Variants in DIS3 observed in about 807,000 individuals in gnomAD.
DIS3 encodes the protein DIS3 exosome endoribonuclease and 3'-5' exoribonuclease, also known as exosome complex exonuclease RRP44.
DIS3 carries 103 observed loss-of-function variants against 113.0 expected under a neutral mutation model. That is an observed-to-expected ratio of 0.91 (90% CI 0.78 to 1.07). The LOEUF is 1.07. Among genes scored for constraint, DIS3 ranks in the 50% least tolerant of loss-of-function variants. The probability of loss-of-function intolerance (pLI) is 0.00; values close to 1 mark genes in which losing one functional copy is unlikely to be tolerated. For missense variants in DIS3, 1,121 were observed against 1,167.1 expected, an observed-to-expected ratio of 0.96 and a Z score of 0.58; for synonymous variants, 402 against 394.3, an observed-to-expected ratio of 1.02 and a Z score of -0.23.
chr13:72,763,713 T>C, intron 15 of DIS3, 106 bp from the exon 16 acceptor site: 1 of 1,130,930 alleles, frequency 8.8e-7, no homozygotes, highest in Non-Finnish European at 1.2e-6. Flanking sequence ...AATAAGAGCA[T>C]TTCCTATGTA....
intron 4 of DIS3, among the ~76,000 whole-genome samples, chr13:72,777,161 A>AT (rs1433773933): frequency 6.6e-6 from 1 of 152,132 alleles, no homozygotes; most frequent in African/African-American, 2.4e-5. Flanking sequence ...GACTCCGTTC[A>AT]TTTTTTCCTC....
Position 72,755,764 on chromosome 13 carries a change from A to G in DIS3, c.*4031T>C, listed in dbSNP as rs571050827. The stretch of plus-strand genomic sequence containing the variant: ...GTGGGGAAAATTCTTAGTTCCAGTG[A>G]TAACTGTTCTAGTTACTACTTTTAA... On this transcript the variant is annotated 3_prime_UTR_variant, in exon 21 of 21. Transcript: ENST00000377767. 246 of 397,780 alleles carry G rather than the reference A, an allele frequency of 6.2e-4. 1 individual carries two copies. The highest frequency in any genetic ancestry group is 4.7e-3 in the African/African-American group (230 of 48,748). 24.6% of individuals were successfully genotyped at this position (397,780 alleles called of 1,614,324 possible). A position where few individuals can be genotyped will look rare whatever the true frequency, so the allele number is the denominator to read the frequency against.
Position 72,755,914 on chromosome 13 carries a change from C to G in DIS3, c.*3881G>C, listed in dbSNP as rs553114874. On this transcript the variant is annotated 3_prime_UTR_variant, in exon 21 of 21. Coordinates refer to ENST00000377767, the MANE Select transcript of DIS3 (RefSeq NM_014953.5). ...TAGGGTAGGGACATCCTTTCCAGCTCAAACGTGGGTAGGGATGTGGGAGAA... is the reference window on the plus strand; with the variant it reads ...TAGGGTAGGGACATCCTTTCCAGCTGAAACGTGGGTAGGGATGTGGGAGAA... 8.5e-5 allele frequency: 34 copies of G among 398,512 alleles called. No homozygotes were observed. Among genetic ancestry groups the G allele is most frequent in the Admixed American group, 2.2e-4 (5 of 22,724 alleles). 24.7% of individuals were successfully genotyped at this position (398,512 alleles called of 1,614,324 possible). A position where few individuals can be genotyped will look rare whatever the true frequency, so the allele number is the denominator to read the frequency against.
chr13:72,760,871 G>A (rs1358540011), intron 19 of DIS3, among the ~76,000 whole-genome samples: 1 of 151,838 alleles, frequency 6.6e-6, no homozygotes, highest in Non-Finnish European at 1.5e-5. Flanking sequence ...TAATATATAT[G>A]TTCATTAAAT....
Position 72,781,856 on chromosome 13 carries a change from A to C in DIS3, c.-24T>G. The C allele has an allele frequency of 6.5e-7, 1 of 1,542,070 alleles. No individual in the cohort carries two copies. Among genetic ancestry groups the C allele is most frequent in the South Asian group, 1.2e-5 (1 of 83,488 alleles). Reference sequence around the variant, plus strand: ...ATCTTGCCTCGCCGCGCAGAATCCTAACCCCAGCAGCGCTCTTCCAGCAAA... The same window carrying C: ...ATCTTGCCTCGCCGCGCAGAATCCTCACCCCAGCAGCGCTCTTCCAGCAAA... On this transcript the variant is annotated 5_prime_UTR_variant, in exon 1 of 21. Transcript: ENST00000377767.
rs1359852954 is a variant in DIS3, at chr13:72,772,253, A to T, written c.1409T>A (p.Leu470Gln). 6.2e-7 allele frequency: 1 copy of T among 1,612,596 alleles called. No homozygotes were observed. Among genetic ancestry groups the T allele is most frequent in the Non-Finnish European group, 8.5e-7 (1 of 1,179,770 alleles). The change falls in exon 10 of 21, where the codon CTG becomes CAG. Residue 470 changes from leucine to glutamine, a missense_variant. This residue lies in a region of DIS3 where 861 missense variants were observed against 915.5 expected (regional missense o/e 0.94). Transcript: ENST00000377767. ...TEKDMKNRED[L>Q]RHLCICSVDP... is the part of the protein sequence containing the mutation. ...TACACTACAAATACACAGATGCCTC[A>T]GGTCTTCTCGGTTTTTCATGTCCTA...
chr13:72,761,818 G>C lies in DIS3; in HGVS notation c.2343-4C>G. On this transcript the variant is annotated splice_polypyrimidine_tract_variant and splice_region_variant and intron_variant, in intron 17 of 20. Coordinates refer to ENST00000377767, the MANE Select transcript of DIS3 (RefSeq NM_014953.5). ...ATGAACAATGACATCTGCGTATCTA[G>C]ATAGATGGAAAAATAAGAACCATGG... The C allele has an allele frequency of 1.9e-6, 3 of 1,610,172 alleles. No homozygotes were observed. The highest frequency in any genetic ancestry group is 1.7e-6 in the Non-Finnish European group (2 of 1,178,986).
Position 72,761,421 on chromosome 13 carries a change from C to T in DIS3, c.2612G>A (p.Gly871Glu), listed in dbSNP as rs777105773. 159 of 1,610,966 alleles carry T rather than the reference C, an allele frequency of 9.9e-5. No homozygotes were observed. The highest frequency in any genetic ancestry group is 1.3e-4 in the Non-Finnish European group (151 of 1,179,332). The change falls in exon 19 of 21, where the codon GGG becomes GAG. Residue 871 changes from glycine (G) to glutamate (E), a missense_variant. By Grantham distance (98) the Gly-to-Glu change is moderately conservative (BLOSUM62 -2). This residue lies in a region of DIS3 where 861 missense variants were observed against 915.5 expected (regional missense o/e 0.94). Transcript: ENST00000377767. ...GTCCTTTTCTTCAAAAAAGACTGTC[C>T]CTTCTAAACCATACTTTGGAATTAA... The part of the protein sequence containing the change: ...VVLIPKYGLE[G>E]TVFFEEKDKP...
At chr13:72,762,303 C>G (rs1332783854) in intron 16 of DIS3, among the ~76,000 whole-genome samples, 166 bp from the exon 17 acceptor site, 1 of 152,210 alleles carries the variant, frequency 6.6e-6, no homozygotes, top group Non-Finnish European at 1.5e-5. Context: ...CTGGTCACTA[C>G]AGTTCTGTCA....
Position 72,778,361 on chromosome 13 carries a change from C to G in DIS3, c.406G>C (p.Glu136Gln). 1.3e-6 allele frequency: 2 copies of G among 1,572,846 alleles called. No individual in the cohort carries two copies. The highest frequency in any genetic ancestry group is 1.7e-6 in the Non-Finnish European group (2 of 1,149,240). ...EHHRETYVEQ[E>Q]QGENANDRND... is the part of the protein sequence containing the mutation. ...CTGTCATTAGCATTTTCTCCCTGTT[C>G]TTGTTCTACATAGGTTTCTCTAAAT... The change falls in exon 3 of 21, where the codon GAA (glutamate) becomes CAA (glutamine). Residue 136 changes from glutamate (E) to glutamine (Q), a missense_variant. Coordinates refer to ENST00000377767, the MANE Select transcript of DIS3 (RefSeq NM_014953.5).
chr13:72,774,005 T>C lies in DIS3; in HGVS notation c.1042A>G (p.Ile348Val), dbSNP rs1360958163. Residue 348 changes from isoleucine to valine, a missense_variant, in exon 7 of 21, where the codon ATA becomes GTA. By Grantham distance (29) the Ile-to-Val change is conservative (BLOSUM62 3). Coordinates refer to ENST00000377767, the MANE Select transcript of DIS3 (RefSeq NM_014953.5). ...TATGGTCTCCAATTCCTTTTTATTA[T>C]TCCTACAACTCTACCTGTAGGCTTC... is the stretch of plus-strand genomic sequence containing the variant. ...MLKPTGRVVG[I>V]IKRNWRPYCG... The C allele has an allele frequency of 1.2e-6, 2 of 1,612,360 alleles. No individual in the cohort carries two copies. Among genetic ancestry groups the C allele is most frequent in the African/African-American group, 1.3e-5 (1 of 74,820 alleles).
intron 5 of DIS3, 63 bp from the exon 6 acceptor site, chr13:72,775,438 G>C (rs41286060): frequency 4.7e-6 from 7 of 1,483,250 alleles, no homozygotes; most frequent in Non-Finnish European, 6.3e-6. Context: ...ATAAAGGGAA[G>C]ATCATCTAAC....
chr13:72,764,261 T>C (rs1336704295), intron 15 of DIS3, among the ~76,000 whole-genome samples: 1 of 152,224 alleles, frequency 6.6e-6, no homozygotes, highest in Non-Finnish European at 1.5e-5. Flanking sequence ...AAAATATTTT[T>C]ATTTAATTGT....
In DIS3 at chr13:72,754,158, C is replaced by T. The variant is rs1438127135; in HGVS notation, c.*5637G>A. On this transcript the variant is annotated 3_prime_UTR_variant, in exon 21 of 21. Coordinates refer to ENST00000377767, the MANE Select transcript of DIS3 (RefSeq NM_014953.5). ...TAATTTTATGTGCCAATTTTTTTTG[C>T]ATTTTATTTTTTTGTAGAGACAGGG... 1.1e-5 allele frequency: 2 copies of T among 179,456 alleles called. No homozygotes were observed. Among genetic ancestry groups the T allele is most frequent in the Non-Finnish European group, 1.2e-5 (1 of 85,902 alleles). The allele number at this position is 179,456 out of a possible 1,614,324, so 11.1% of individuals were successfully genotyped here. A position where few individuals can be genotyped will look rare whatever the true frequency, so the allele number is the denominator to read the frequency against.
chr13:72,778,024 A>G (rs904415677), intron 3 of DIS3, among the ~76,000 whole-genome samples, 163 bp downstream of exon 3: 1 of 152,246 alleles, frequency 6.6e-6, no homozygotes, highest in African/African-American at 2.4e-5. Flanking sequence ...CAACATATTT[A>G]GGTTAAAAAC....
chr13:72,774,740 C>A (rs2033967307), intron 6 of DIS3, among the ~76,000 whole-genome samples: 1 of 152,070 alleles, frequency 6.6e-6, no homozygotes, highest in African/African-American at 2.4e-5. Flanking sequence ...TAGCGCATAT[C>A]ATAAGAAATA....
rs370241320 is a variant in DIS3, at chr13:72,779,973, TA to T, written c.386+872del. Among the ~76,000 whole-genome samples the T allele has an allele frequency of 2.9e-4, 44 of 152,132 alleles. No homozygotes were observed. In the East Asian group the frequency reaches 4.2e-3, roughly 15 times the overall value. On this transcript the variant is annotated intron_variant, in intron 2 of 20. Transcript: ENST00000377767. ...TTATGTAATATAACGTAATAGGCAA[TA>T]TCATATTTTTGAGACCACACACTGA...
intron 15 of DIS3, 66 bp downstream of exon 15, chr13:72,765,906 C>T (rs529267771): frequency 3.9e-5 from 44 of 1,122,322 alleles, no homozygotes; most frequent in Admixed American, 5.1e-5. Context: ...ATTATTTGTA[C>T]TTACAGTAGA....
At chr13:72,767,794 C>A (rs2033788389) in intron 14 of DIS3, among the ~76,000 whole-genome samples, 1 of 152,142 alleles carries the variant, frequency 6.6e-6, no homozygotes, top group African/African-American at 2.4e-5. Flanking sequence ...AATGTACAAT[C>A]CGCACTCACC....
Sources: allele counts gnomAD v4.1 joint callset (sites outside exome capture counted in the v4.1 genomes callset), GRCh38; gene constraint gnomAD v4.1.1; regional missense constraint gnomAD v4.1.1; transcripts MANE v1.5; gene names NCBI Gene and HGNC (gene_info 2026-07-23, HGNC 2026-07-21).